Variants in BMAL2 observed in about 807,000 individuals in gnomAD.
BMAL2 encodes basic helix-loop-helix ARNT-like protein 2.
the BMAL2 span, among the ~76,000 whole-genome samples, chr12:27,344,707 C>T: frequency 4.6e-5 from 7 of 152,168 alleles, no homozygotes; most frequent in African/African-American, 1.7e-4. Context: ...CTACAAAATA[C>T]GTTCACAACA....
chr12:27,362,806 G>T, the BMAL2 span, among the ~76,000 whole-genome samples: 3 of 151,614 alleles, frequency 2.0e-5, no homozygotes, highest in Non-Finnish European at 4.4e-5. Context: ...ATCGGTTTTT[G>T]TTGTTGTTGT....
chr12:27,405,820 A>G, the BMAL2 span, among the ~76,000 whole-genome samples: 4,361 of 152,344 alleles, frequency 0.029, 97 homozygotes, highest in Non-Finnish European at 0.046. Context: ...GTTTGAACCC[A>G]TGGCAAAGAA....
chr12:27,384,782 T>C, the BMAL2 span, among the ~76,000 whole-genome samples: 1 of 152,220 alleles, frequency 6.6e-6, no homozygotes, highest in Admixed American at 6.5e-5. Flanking sequence ...TTTGGCTCTC[T>C]CAAAATATCT....
chr12:27,421,586 A>C, the BMAL2 span: 2 of 152,170 alleles, frequency 1.3e-5, no homozygotes, highest in South Asian at 2.1e-4. Context: ...GCACCACTGC[A>C]CTCCAGTCTG....
the BMAL2 span, chr12:27,401,577 G>C: frequency 1.2e-6 from 2 of 1,610,118 alleles, no homozygotes; most frequent in South Asian, 2.2e-5. Context: ...CAGAGCAAAA[G>C]ATGGCTCTTT....
chr12:27,409,715 A>C, the BMAL2 span, among the ~76,000 whole-genome samples: 1 of 152,154 alleles, frequency 6.6e-6, no homozygotes, highest in Non-Finnish European at 1.5e-5. Context: ...CACCAAAAGC[A>C]ATGGCAACAA....
At chr12:27,345,861 C>A in the BMAL2 span, among the ~76,000 whole-genome samples, 1 of 152,050 alleles carries the variant, frequency 6.6e-6, no homozygotes, top group Non-Finnish European at 1.5e-5. Flanking sequence ...AGTAAGAAAA[C>A]CAGGTATGTT....
the BMAL2 span, chr12:27,387,238 G>T: frequency 1.6e-5 from 25 of 1,610,180 alleles, no homozygotes; most frequent in Admixed American, 1.7e-4. Flanking sequence ...ACTGCAGAAG[G>T]CTTCTTATTT....
the BMAL2 span, among the ~76,000 whole-genome samples, chr12:27,404,788 C>T: frequency 5.9e-5 from 9 of 152,184 alleles, no homozygotes; most frequent in Middle Eastern, 3.4e-3. Flanking sequence ...AAGCGTGAGC[C>T]GAAGCAGGGT....
the BMAL2 span, among the ~76,000 whole-genome samples, chr12:27,345,397 A>G: frequency 6.6e-6 from 1 of 152,192 alleles, no homozygotes; most frequent in East Asian, 1.9e-4. Flanking sequence ...TTAAACTGAC[A>G]TGTAAAACAC....
At chr12:27,342,231 C>T in the BMAL2 span, among the ~76,000 whole-genome samples, 3 of 152,206 alleles carry the variant, frequency 2.0e-5, no homozygotes, top group Admixed American at 6.5e-5. Context: ...AGCCACTGCA[C>T]CCAGCCAGTT....
At chr12:27,356,545 C>T in the BMAL2 span, among the ~76,000 whole-genome samples, 1 of 152,104 alleles carries the variant, frequency 6.6e-6, no homozygotes, top group Non-Finnish European at 1.5e-5. Flanking sequence ...GCGTGTATGT[C>T]TTACAAAAGT....
At chr12:27,343,084 C>T in the BMAL2 span, among the ~76,000 whole-genome samples, 1 of 152,148 alleles carries the variant, frequency 6.6e-6, no homozygotes, top group African/African-American at 2.4e-5. Context: ...CTAGGAAGCA[C>T]ATGGAAGCAA....
At chr12:27,401,300 A>G in the BMAL2 span, 1 of 1,613,998 alleles carries the variant, frequency 6.2e-7, no homozygotes, top group African/African-American at 1.3e-5. Context: ...ACTTTTGGGA[A>G]CTTCTTGTTA....
chr12:27,364,266 C>G, the BMAL2 span, among the ~76,000 whole-genome samples: 1 of 152,174 alleles, frequency 6.6e-6, no homozygotes, highest in African/African-American at 2.4e-5. Context: ...CGGAGGAACA[C>G]AAACATTCAA....
At chr12:27,354,937 A>T in the BMAL2 span, among the ~76,000 whole-genome samples, 1 of 152,110 alleles carries the variant, frequency 6.6e-6, no homozygotes, top group African/African-American at 2.4e-5. Context: ...CAAAAATAAG[A>T]TGTTTTTATA....
At chr12:27,334,021 C>T in the BMAL2 span, among the ~76,000 whole-genome samples, 1 of 152,162 alleles carries the variant, frequency 6.6e-6, no homozygotes, top group Non-Finnish European at 1.5e-5. Flanking sequence ...GTTAATTCTC[C>T]CCTTTCCTTT....
At chr12:27,369,172 C>T in the BMAL2 span, among the ~76,000 whole-genome samples, 10 of 152,114 alleles carry the variant, frequency 6.6e-5, no homozygotes, top group Non-Finnish European at 1.3e-4. Context: ...TAGGCTGGTA[C>T]TTTACATAAA....
chr12:27,361,867 T>G, the BMAL2 span, among the ~76,000 whole-genome samples: 2 of 152,096 alleles, frequency 1.3e-5, no homozygotes, highest in African/African-American at 4.8e-5. Context: ...AAGGCAATAC[T>G]CCCCACCCAT....
Sources: gnomAD v4.1 joint callset for allele counts (sites outside exome capture counted in the v4.1 genomes callset) on GRCh38, gnomAD v4.1.1 for gene constraint, MANE v1.5 for transcripts, NCBI Gene and HGNC (gene_info 2026-07-23, HGNC 2026-07-21) for gene names.